The following FGF13 variants were observed in gnomAD, a reference collection of about 807,000 sequenced individuals.
FGF13 encodes fibroblast growth factor homologous factor 2.
A neutral mutation model predicts 19.5 loss-of-function variants in FGF13; 2 were observed. That is an observed-to-expected ratio of 0.10 (90% CI 0.04 to 0.32). The LOEUF is 0.32. Among genes scored for constraint, FGF13 ranks in the 10% least tolerant of loss-of-function variants. The pLI is 1.00. For synonymous variants in FGF13, 72 were observed against 76.9 expected (o/e 0.94, Z 0.33); for missense variants, 113 against 192.7 (o/e 0.59, Z 2.45).
At chrX:139,028,704 TGTGTGAGA>T (rs1175486790) in intron 1 of FGF13, among the ~76,000 whole-genome samples, 3 of 99,607 alleles carry the variant, frequency 3.0e-5, no homozygotes, top group Non-Finnish European at 6.0e-5. Flanking sequence ...TGTGTGTGTG[TGTGTGAGA>T]GAGAGAGAGA....
intron 1 of FGF13, among the ~76,000 whole-genome samples, chrX:139,145,440 T>C (rs757728634): frequency 2.1e-4 from 23 of 111,814 alleles, no homozygotes; most frequent in Middle Eastern, 9.1e-3. Context: ...CTATTTGTCA[T>C]ATGTCAATTA....
chrX:139,197,960 C>T lies in FGF13; in HGVS notation c.-113+5456G>A, dbSNP rs2084386167. ...AGTGAGCGGAGATTGTGCCACTGCA[C>T]TCCAGTCTGGGTGACAGATTGAGAC... On this transcript the variant is annotated intron_variant, in intron 1 of 2. Transcript: ENST00000421460. 3.3e-5 allele frequency among the ~76,000 whole-genome samples: 3 copies of T among 91,125 alleles called. No homozygotes were observed. In the Admixed American group the frequency reaches 3.9e-4, roughly 12 times the overall value. The allele number at this position is 91,125 out of a possible 115,157, so 79.1% of individuals were successfully genotyped here.
intron 3 of FGF13, among the ~76,000 whole-genome samples, chrX:138,827,598 C>A (rs1483890888): frequency 9.0e-6 from 1 of 111,113 alleles, no homozygotes; most frequent in Non-Finnish European, 1.9e-5. Context: ...GTGTTAGGAA[C>A]AGAATATGTG....
In FGF13 at chrX:139,105,872, T is replaced by C. The variant is rs1399404480; in HGVS notation, c.-113+97544A>G. 3.6e-5 allele frequency among the ~76,000 whole-genome samples: 4 copies of C among 112,003 alleles called. No individual in the cohort carries two copies. The East Asian group carries it at 1.1e-3, about 32-fold the overall frequency. On this transcript the variant is annotated intron_variant, in intron 1 of 2. Transcript: ENST00000421460. Reference sequence around the variant, plus strand: ...GATTAGAAGAGATTACAATAGGGCTTTTTTCTCTTACCAAATAATTCATCA... The same window carrying C: ...GATTAGAAGAGATTACAATAGGGCTCTTTTCTCTTACCAAATAATTCATCA...
intron 3 of FGF13, among the ~76,000 whole-genome samples, chrX:138,831,846 A>AG (rs2091076566): frequency 1.8e-5 from 2 of 111,064 alleles, no homozygotes; most frequent in South Asian, 7.8e-4. Flanking sequence ...CCACCTTCTG[A>AG]AATGCGCCAG....
At chrX:138,900,197 C>T (rs752141547) in intron 1 of FGF13, among the ~76,000 whole-genome samples, 2 of 111,266 alleles carry the variant, frequency 1.8e-5, no homozygotes, top group Non-Finnish European at 3.8e-5. Flanking sequence ...CATTTACATA[C>T]CATAAGCTGA....
intron 3 of FGF13, among the ~76,000 whole-genome samples, chrX:138,640,694 G>A (rs1486690246): frequency 2.7e-5 from 3 of 111,944 alleles, no homozygotes; most frequent in African/African-American, 3.2e-5. Context: ...TTGTTTCAGC[G>A]TCTTAAACAC....
intron 1 of FGF13, among the ~76,000 whole-genome samples, chrX:139,046,776 T>A (rs1315007276): frequency 9.0e-6 from 1 of 111,444 alleles, no homozygotes; most frequent in Non-Finnish European, 1.9e-5. Context: ...ACCCTCTCCA[T>A]CATCAAAATT....
chrX:139,199,672 A>G (rs1025607469), intron 1 of FGF13, among the ~76,000 whole-genome samples: 4 of 111,280 alleles, frequency 3.6e-5, no homozygotes, highest in Non-Finnish European at 7.5e-5. Context: ...TGCTGTGGGC[A>G]TAGACCTCAA....
chrX:138,710,590 T>C (rs1366682448), intron 1 of FGF13, among the ~76,000 whole-genome samples: 1 of 111,777 alleles, frequency 8.9e-6, no homozygotes, highest in African/African-American at 3.3e-5. Flanking sequence ...CAGGGCAGAG[T>C]ATGCCCCCAG....
chrX:138,822,057 A>C (rs1038471199), intron 3 of FGF13, among the ~76,000 whole-genome samples: 2 of 111,368 alleles, frequency 1.8e-5, no homozygotes, highest in African/African-American at 6.5e-5. Flanking sequence ...TTTAGAAGTG[A>C]CCTAAAAGAT....
chrX:138,665,950 A>G (rs1178259125), intron 3 of FGF13, among the ~76,000 whole-genome samples: 1 of 111,701 alleles, frequency 9.0e-6, no homozygotes, highest in Admixed American at 9.5e-5. Context: ...TGGGAGGTAC[A>G]TAATCATCTG....
In FGF13 at chrX:138,772,673, G is replaced by A. The variant is rs138533849; in HGVS notation, c.218-63745C>T. Among the ~76,000 whole-genome samples the A allele has an allele frequency of 7.9e-3, 882 of 111,429 alleles. 6 individuals are homozygous for A. Among genetic ancestry groups the A allele is most frequent in the African/African-American group, 0.027 (813 of 30,670 alleles). On this transcript the variant is annotated intron_variant, in intron 3 of 6. Transcript: ENST00000436198. ...ATTCAAAGGCACGTTCTGCTAACAAGATTATGAATTAGAAACCTGAACTCT... is the reference window on the plus strand; with the variant it reads ...ATTCAAAGGCACGTTCTGCTAACAAAATTATGAATTAGAAACCTGAACTCT...
At chrX:139,050,760 G>C (rs1208493527) in intron 1 of FGF13, among the ~76,000 whole-genome samples, 1 of 112,295 alleles carries the variant, frequency 8.9e-6, no homozygotes, top group East Asian at 2.8e-4. Flanking sequence ...ACTTGGAAAT[G>C]TAATAGCTCA....
chrX:138,928,474 C>T (rs1348916930), intron 1 of FGF13, among the ~76,000 whole-genome samples: 4 of 110,460 alleles, frequency 3.6e-5, no homozygotes, highest in Admixed American at 9.7e-5. Flanking sequence ...TTTTCCATTT[C>T]GGCCTTTGAG....
chrX:138,798,140 C>T (rs1347782666), intron 3 of FGF13, among the ~76,000 whole-genome samples: 1 of 111,751 alleles, frequency 8.9e-6, no homozygotes, highest in Non-Finnish European at 1.9e-5. Flanking sequence ...TTTGTTGTTC[C>T]AGTTTTCAAA....
At chrX:139,167,609 C>T (rs2084097299) in intron 1 of FGF13, among the ~76,000 whole-genome samples, 1 of 111,991 alleles carries the variant, frequency 8.9e-6, no homozygotes, top group Non-Finnish European at 1.9e-5. Context: ...TCAACTGACC[C>T]TGATCCTTTA....
rs944516493 is a variant in FGF13 at position 138,622,994 on chromosome X, C to T, written c.*9856G>A. The stretch of plus-strand genomic sequence containing the variant: ...TTTTAATATAAAGATCTTTCACCTC[C>T]TTTGCTAAATTTATTTCTAAGTATT... On this transcript the variant is annotated 3_prime_UTR_variant, in exon 5 of 5. Coordinates refer to ENST00000315930, the MANE Select transcript of FGF13 (RefSeq NM_004114.5). 9 of 111,823 alleles carry T rather than the reference C, an allele frequency of 8.0e-5. No homozygotes were observed. Among genetic ancestry groups the T allele is most frequent in the African/African-American group, 2.6e-4 (8 of 30,778 alleles). 9.2% of individuals were successfully genotyped at this position (111,823 alleles called of 1,213,427 possible). A position where few individuals can be genotyped will look rare whatever the true frequency, so the allele number is the denominator to read the frequency against.
rs143215939 is a variant in FGF13 at position 139,018,918 on chromosome X, C to T, written c.-112-154268G>A. ...ACTATCACCACAATCAATTTTAGAA[C>T]ATTTTCACTACCCCAAAAAGAAACC... On this transcript the variant is annotated intron_variant, in intron 1 of 2. Coordinates refer to the FGF13 transcript ENST00000421460. Among the ~76,000 whole-genome samples the T allele has an allele frequency of 9.4e-3, 1,046 of 110,894 alleles. 11 individuals are homozygous for T. Among genetic ancestry groups the T allele is most frequent in the African/African-American group, 0.032 (970 of 30,504 alleles).
Sources: gnomAD v4.1 joint callset for allele counts (sites outside exome capture counted in the v4.1 genomes callset) on GRCh38, gnomAD v4.1.1 for gene constraint, MANE v1.5 for transcripts, NCBI Gene and HGNC (gene_info 2026-07-23, HGNC 2026-07-21) for gene names.